TNS4: variants seen among roughly 807,000 people sequenced by gnomAD.
TNS4 encodes the protein tensin-4.
A neutral mutation model predicts 70.4 loss-of-function variants in TNS4; 46 were observed. The observed-to-expected ratio is 0.65, with a 90% CI of 0.52 to 0.84. TNS4 has a LOEUF of 0.84. Among genes scored for constraint, TNS4 ranks in the 40% least tolerant of loss-of-function variants. The probability of loss-of-function intolerance (pLI) is 0.00; values close to 1 mark genes in which losing one functional copy is unlikely to be tolerated. For missense variants in TNS4, 863 were observed against 907.0 expected (o/e 0.95, Z 0.62); for synonymous variants, 390 against 366.6 (o/e 1.06, Z -0.73).
Position 40,477,279 on chromosome 17 carries a change from G to A in TNS4, c.*309C>T, listed in dbSNP as rs759882230. ...GTCCTTGGAGGTTATTTTCATGCAG[G>A]GGTCTTCAGAGGTGTGCATGCTTCA... On this transcript the variant is annotated 3_prime_UTR_variant, in exon 13 of 13. Transcript: ENST00000254051. The A allele has an allele frequency of 2.2e-5, 6 of 268,792 alleles. No homozygotes were observed. The highest frequency in any genetic ancestry group is 4.2e-5 in the Non-Finnish European group (6 of 142,026). The allele number at this position is 268,792 out of a possible 1,614,324, so 16.7% of individuals were successfully genotyped here.
chr17:40,489,018 CAT>C (rs1371189604), intron 2 of TNS4, 49 bp from the exon 3 acceptor site: 1 of 1,485,744 alleles, frequency 6.7e-7, no homozygotes. Flanking sequence ...AGCCTGGACT[CAT>C]AGAACAGAGA....
chr17:40,489,534 G>A (rs916803925), intron 2 of TNS4, among the ~76,000 whole-genome samples: 1 of 152,106 alleles, frequency 6.6e-6, no homozygotes, highest in African/African-American at 2.4e-5. Context: ...GAGGCTGGGC[G>A]CGGTGGCTCA....
intron 2 of TNS4, 95 bp downstream of exon 2, chr17:40,495,892 G>A (rs2036135930): frequency 1.4e-6 from 2 of 1,397,274 alleles, no homozygotes; most frequent in Admixed American, 2.4e-5. Context: ...CCTCCCAACA[G>A]GACAGGGTCC....
intron 12 of TNS4, 99 bp downstream of exon 12, chr17:40,478,208 C>T: frequency 6.7e-7 from 1 of 1,502,178 alleles, no homozygotes; most frequent in South Asian, 1.1e-5. Context: ...CCTGTGCCCT[C>T]ATCAACACTT....
chr17:40,489,296 T>C (rs2036035902), intron 2 of TNS4, among the ~76,000 whole-genome samples: 1 of 152,082 alleles, frequency 6.6e-6, no homozygotes, highest in East Asian at 1.9e-4. Flanking sequence ...TTTCCACACC[T>C]GTAAAGTGGG....
chr17:40,486,931 C>T (rs1426200190), intron 4 of TNS4, 105 bp downstream of exon 4: 1 of 1,431,426 alleles, frequency 7.0e-7, no homozygotes, highest in Non-Finnish European at 9.7e-7. Flanking sequence ...GCCAGACACA[C>T]AATAGTTGCT....
In TNS4 at chr17:40,487,469, GGA is replaced by G. The variant is rs1397009551; in HGVS notation, c.864-11_864-10del. ...GCAGGAGGGACTGGCTGCTGCAGCG[GGA>G]GAGAGTCAGACAGGGTGTTAGGGCA... On this transcript the variant is annotated splice_polypyrimidine_tract_variant and intron_variant, in intron 3 of 12. Coordinates refer to ENST00000254051, the MANE Select transcript of TNS4 (RefSeq NM_032865.6). The G allele has an allele frequency of 6.3e-7, 1 of 1,594,356 alleles. No homozygotes were observed. Among genetic ancestry groups the G allele is most frequent in the Admixed American group, 1.7e-5 (1 of 59,316 alleles).
intron 6 of TNS4, among the ~76,000 whole-genome samples, chr17:40,482,639 C>T (rs556550631): frequency 2.0e-5 from 3 of 151,748 alleles, no homozygotes; most frequent in South Asian, 2.1e-4. Context: ...CAAAGCCGGG[C>T]GTGGTTCACA....
chr17:40,484,906 C>T lies in TNS4; in HGVS notation c.1375+15G>A, dbSNP rs375853689. Reference sequence around the variant, plus strand: ...ACCCAGACCCTATTCTGGGGTCACTCGTGCTTCCTTTTACCTTGCTCTCGG... The same window carrying T: ...ACCCAGACCCTATTCTGGGGTCACTTGTGCTTCCTTTTACCTTGCTCTCGG... On this transcript the variant is annotated intron_variant, in intron 5 of 12. Coordinates refer to ENST00000254051, the MANE Select transcript of TNS4 (RefSeq NM_032865.6). 67 of 1,613,730 alleles carry T rather than the reference C, an allele frequency of 4.2e-5. No homozygotes were observed. Among genetic ancestry groups the T allele is most frequent in the South Asian group, 6.6e-5 (6 of 91,056 alleles).
In TNS4 at chr17:40,482,405, T is replaced by C; in HGVS notation, c.1513A>G (p.Asn505Asp). The C allele has an allele frequency of 6.2e-7, 1 of 1,613,976 alleles. No individual in the cohort carries two copies. The highest frequency in any genetic ancestry group is 2.2e-5 in the East Asian group (1 of 44,884). The change falls in exon 7 of 13, where the codon AAT (asparagine) becomes GAT (aspartate). Residue 505 changes from asparagine (N) to aspartate (D), a missense_variant. Physicochemically the swap from Asn to Asp is conservative, Grantham distance 23 (BLOSUM62 1). Coordinates refer to ENST00000254051, the MANE Select transcript of TNS4 (RefSeq NM_032865.6). ...ATGAGGAAGTGTCGGATGAGGTCAT[T>C]GCTGTCCTCACCTGGACAGAGAAGA... The part of the protein sequence containing the change: ...SAQSRPGEDS[N>D]DLIRHFLIES...
intron 1 of TNS4, among the ~76,000 whole-genome samples, chr17:40,497,325 T>C (rs181810066): frequency 2.0e-4 from 31 of 152,202 alleles, no homozygotes; most frequent in Admixed American, 4.6e-4. Flanking sequence ...GGGGATGAGC[T>C]GGGCGTGATG....
intron 6 of TNS4, 97 bp downstream of exon 6, chr17:40,484,387 A>G: frequency 1.3e-6 from 2 of 1,536,378 alleles, no homozygotes; most frequent in East Asian, 2.3e-5. Flanking sequence ...GACTGGCGCC[A>G]TGTCACCCTG....
intron 8 of TNS4, 56 bp from the exon 9 acceptor site, chr17:40,480,824 C>A: frequency 6.3e-7 from 1 of 1,576,894 alleles, no homozygotes; most frequent in Non-Finnish European, 8.6e-7. Context: ...AGTGAATGGA[C>A]CCCTCTCACA....
chr17:40,485,051 G>A (rs778628018), intron 4 of TNS4, 44 bp from the exon 5 acceptor site: 164 of 1,537,810 alleles, frequency 1.1e-4, no homozygotes, highest in Non-Finnish European at 1.3e-4. Context: ...CTGGACAGAC[G>A]GGAGCTGAGG....
At chr17:40,484,304 T>G (rs2035963020) in intron 6 of TNS4, among the ~76,000 whole-genome samples, 180 bp downstream of exon 6, 1 of 152,124 alleles carries the variant, frequency 6.6e-6, no homozygotes, top group South Asian at 2.1e-4. Flanking sequence ...AAAGGCGTTT[T>G]TCAGGGTGCC....
chr17:40,489,796 C>CAAAAAAAAA lies in TNS4; in HGVS notation c.440-836_440-828dup, dbSNP rs11463268. Among the ~76,000 whole-genome samples the CAAAAAAAAA allele has an allele frequency of 9.7e-3, 1,016 of 104,880 alleles. 22 individuals carry two copies. The highest frequency in any genetic ancestry group is 0.015 in the African/African-American group (411 of 26,856). The allele number at this position is 104,880 out of a possible 152,430, so 68.8% of individuals were successfully genotyped here. ...AGTGACAAGAGTGAAGCCCCATCTCCAAAAAAAAAAAAAAAAAGGAAGTGG... is the reference window on the plus strand; with the variant it reads ...AGTGACAAGAGTGAAGCCCCATCTCCAAAAAAAAAAAAAAAAAAAAAAAAAAGGAAGTGG... On this transcript the variant is annotated intron_variant, in intron 2 of 12. Transcript: ENST00000254051.
chr17:40,501,241 G>A (rs2036211131), intron 1 of TNS4, among the ~76,000 whole-genome samples: 1 of 152,184 alleles, frequency 6.6e-6, no homozygotes, highest in South Asian at 2.1e-4. Context: ...GAGGTCAGGA[G>A]TTTGAGACCA....
intron 6 of TNS4, among the ~76,000 whole-genome samples, chr17:40,482,714 G>T (rs2035942556): frequency 6.6e-6 from 1 of 151,690 alleles, no homozygotes; most frequent in African/African-American, 2.4e-5. Context: ...GGAGGCAGAG[G>T]TTGCAGTGAG....
intron 1 of TNS4, among the ~76,000 whole-genome samples, chr17:40,499,810 C>A (rs1467368463): frequency 6.6e-6 from 1 of 152,216 alleles, no homozygotes; most frequent in Non-Finnish European, 1.5e-5. Context: ...GCGCTCCCTG[C>A]AGGGTTTTCT....
Sources: gnomAD v4.1 joint callset for allele counts (sites outside exome capture counted in the v4.1 genomes callset) on GRCh38, gnomAD v4.1.1 for gene constraint, MANE v1.5 for transcripts, NCBI Gene and HGNC (gene_info 2026-07-23, HGNC 2026-07-21) for gene names.